The following NID1 variants were observed in gnomAD, a reference collection of about 807,000 sequenced individuals.
NID1 encodes nidogen-1.
In NID1, 76 loss-of-function variants were observed where a neutral mutation model predicts 130.6. That is an observed-to-expected ratio of 0.58 (90% CI 0.48 to 0.70). The LOEUF is 0.70. Ranked by LOEUF, NID1 falls within the 30% of genes least tolerant of loss-of-function variation. The pLI is 0.00. For missense variants in NID1, 1,517 were observed against 1,664.8 expected, an observed-to-expected ratio of 0.91 and a Z score of 1.54; for synonymous variants, 665 against 675.1, an observed-to-expected ratio of 0.98 and a Z score of 0.23.
intron 9 of NID1, among the ~76,000 whole-genome samples, chr1:236,018,313 C>T (rs1276681981): frequency 6.6e-6 from 1 of 152,174 alleles, no homozygotes; most frequent in Non-Finnish European, 1.5e-5. Context: ...TACTACTACT[C>T]ATCTTGAGGG....
At position 236,064,947 on chromosome 1, in the gene NID1, C is replaced by T; in HGVS notation, c.133G>A (p.Glu45Lys). The T allele has an allele frequency of 6.2e-7, 1 of 1,607,474 alleles. No homozygotes were observed. The highest frequency in any genetic ancestry group is 1.1e-5 in the South Asian group (1 of 89,812). The change falls in exon 1 of 20, where the codon GAG becomes AAG. Residue 45 changes from glutamate (E) to lysine (K), a missense_variant. Glu to Lys is a moderately conservative substitution (Grantham distance 56, BLOSUM62 1). Around this residue, in one of 3 missense-constraint regions of NID1, gnomAD observed 1,329 missense variants for 1,429.2 expected, o/e 0.93. Coordinates refer to ENST00000264187, the MANE Select transcript of NID1 (RefSeq NM_002508.3). ...ACGAAGTCATCCCCGTCCTCCAGCT[C>T]CAGGTCCCCCTGTCCGGGGCCGAAG... ...FPFGPGQGDL[E>K]LEDGDDFVSP...
At chr1:236,039,035 A>G (rs1202157727) in intron 4 of NID1, among the ~76,000 whole-genome samples, 4 of 129,924 alleles carry the variant, frequency 3.1e-5, no homozygotes, top group East Asian at 4.3e-4. Flanking sequence ...ATATTATATA[A>G]TATATATTTA....
intron 12 of NID1, among the ~76,000 whole-genome samples, chr1:236,004,197 G>A (rs563242057): frequency 2.6e-5 from 4 of 152,140 alleles, no homozygotes; most frequent in Non-Finnish European, 1.5e-5. Flanking sequence ...GAAGAATGCA[G>A]GAGCTTACTT....
intron 7 of NID1, among the ~76,000 whole-genome samples, chr1:236,026,802 G>A (rs868743620): frequency 1.2e-4 from 18 of 149,618 alleles, no homozygotes; most frequent in Non-Finnish European, 2.1e-4. Flanking sequence ...GCAGTGGCAC[G>A]ATCATGGCTC....
At chr1:235,993,069 G>A (rs941877399) in intron 13 of NID1, among the ~76,000 whole-genome samples, 6 of 152,204 alleles carry the variant, frequency 3.9e-5, no homozygotes, top group African/African-American at 1.4e-4. Flanking sequence ...TCCGGTGATG[G>A]TCTTAGAGCC....
chr1:236,011,922 T>A lies in NID1; in HGVS notation c.2526A>T (p.Gly842=), dbSNP rs1038339419. ...YQGDGFRCVP[G]EVEKTRCQHE... ...ACTCCAGATGTCCCACCACCTTACC[T>A]CCGGGCACGCAACGGAAGCCGTCTC... Residue 842 remains glycine (G), a splice_region_variant and synonymous_variant, in exon 12 of 20, where the codon GGA becomes GGT. Transcript: ENST00000264187. 1.2e-6 allele frequency: 2 copies of A among 1,613,624 alleles called. No individual in the cohort carries two copies. Among genetic ancestry groups the A allele is most frequent in the Admixed American group, 3.3e-5 (2 of 60,012 alleles).
intron 14 of NID1, among the ~76,000 whole-genome samples, chr1:235,985,724 T>TTGTGTGTGTGTG (rs759787113): frequency 2.0e-5 from 3 of 147,688 alleles, no homozygotes; most frequent in South Asian, 2.2e-4. Flanking sequence ...GTATAGGAAT[T>TTGTGTGTGTGTG]TGTGTGTGTG....
In NID1 at chr1:236,017,280, CA is replaced by C; in HGVS notation, c.2129-8del. The C allele has an allele frequency of 6.2e-7, 1 of 1,611,744 alleles. No individual in the cohort carries two copies. On this transcript the variant is annotated splice_region_variant and splice_polypyrimidine_tract_variant and intron_variant, in intron 9 of 19. Coordinates refer to ENST00000264187, the MANE Select transcript of NID1 (RefSeq NM_002508.3). ...TCTGAACATTCATCAATATCTGCAGCAAAAATTTTTTTTTACTGCAGGCTTT... is the reference window on the plus strand; with the variant it reads ...TCTGAACATTCATCAATATCTGCAGCAAAATTTTTTTTTACTGCAGGCTTT...
chr1:235,993,574 C>T, intron 13 of NID1, 71 bp downstream of exon 13: 3 of 1,290,798 alleles, frequency 2.3e-6, no homozygotes, highest in Non-Finnish European at 3.1e-6. Context: ...GAGCAAAGAG[C>T]GTGTTCAGCA....
At chr1:236,051,991 T>C (rs1490924916) in intron 1 of NID1, among the ~76,000 whole-genome samples, 1 of 152,216 alleles carries the variant, frequency 6.6e-6, no homozygotes. Context: ...ATAACCCTCA[T>C]TAGTATTTGC....
At chr1:236,064,293 C>T (rs1660127598) in intron 1 of NID1, among the ~76,000 whole-genome samples, 1 of 152,220 alleles carries the variant, frequency 6.6e-6, no homozygotes, top group Admixed American at 6.5e-5. Context: ...GTTTCCCGCT[C>T]TGGACTCTGG....
Position 235,979,787 on chromosome 1 carries a change from G to GGCCCACGCA in NID1, c.3509+26_3509+34dup. 1 of 1,609,410 alleles carries GGCCCACGCA rather than the reference G, an allele frequency of 6.2e-7. No individual in the cohort carries two copies. The highest frequency in any genetic ancestry group is 8.5e-7 in the Non-Finnish European group (1 of 1,177,056). On this transcript the variant is annotated intron_variant, in intron 18 of 19. Transcript: ENST00000264187. This position sits in a 1 kb window ranked among gnomAD's most constrained non-coding sequence, Gnocchi z 4.6. ...CCCAGAGACAGTGGGTGGAGGGGCA[G>GGCCCACGCA]GCCCACGCAGCCCCCATGGCTACAG...
At chr1:236,039,789 C>T (rs12070261) in intron 4 of NID1, among the ~76,000 whole-genome samples, 3,268 of 152,162 alleles carry the variant, frequency 0.021, 133 homozygotes, top group African/African-American at 0.075. Context: ...ATAAAGACAG[C>T]GTTTGGAGCC....
chr1:236,024,341 C>T (rs1205058442), intron 8 of NID1, 128 bp from the exon 9 acceptor site: 2 of 1,097,884 alleles, frequency 1.8e-6, no homozygotes, highest in Middle Eastern at 2.2e-4. Context: ...TGGAATGGGA[C>T]ACCAGCCAAT....
intron 7 of NID1, among the ~76,000 whole-genome samples, chr1:236,028,464 C>T (rs139842444): frequency 0.016 from 2,475 of 152,220 alleles, 67 homozygotes; most frequent in African/African-American, 0.054. Context: ...GCCGAGACTG[C>T]ACCACTGCAC....
chr1:235,978,864 G>A, intron 19 of NID1, 131 bp downstream of exon 19: 2 of 634,062 alleles, frequency 3.2e-6, no homozygotes, highest in Non-Finnish European at 5.7e-6. Flanking sequence ...GAAGACCCTG[G>A]ATGCAAAGGA....
chr1:235,980,076 G>C, intron 17 of NID1, 131 bp from the exon 18 acceptor site: 1 of 1,092,736 alleles, frequency 9.2e-7, no homozygotes. Context: ...GAGAACACAT[G>C]AGGCTTGCTC....
chr1:235,989,069 C>CTTTT (rs768952072), intron 14 of NID1, among the ~76,000 whole-genome samples: 16 of 115,796 alleles, frequency 1.4e-4, no homozygotes, highest in African/African-American at 2.6e-4. Context: ...AAATTATCTG[C>CTTTT]TTTTTTTTTT....
At chr1:236,028,719 GAGAC>G (rs1659011401) in intron 7 of NID1, among the ~76,000 whole-genome samples, 1 of 151,996 alleles carries the variant, frequency 6.6e-6, no homozygotes. Flanking sequence ...GAGAGACAGA[GAGAC>G]AGAGAGAGAA....
Sources: allele counts gnomAD v4.1 joint callset (sites outside exome capture counted in the v4.1 genomes callset), GRCh38; gene constraint gnomAD v4.1.1; regional missense constraint gnomAD v4.1.1; non-coding constraint Gnocchi (gnomAD v3.1); transcripts MANE v1.5; gene names NCBI Gene and HGNC (gene_info 2026-07-23, HGNC 2026-07-21).